WASHC5: variants seen among roughly 807,000 people sequenced by gnomAD.
The protein encoded by WASHC5 is WASH complex subunit 5.
In WASHC5, 101 loss-of-function variants were observed where a neutral mutation model predicts 150.4. That is an observed-to-expected ratio of 0.67 (90% CI 0.57 to 0.79). The LOEUF (loss-of-function observed/expected upper bound fraction) is 0.79. Among genes scored for constraint, WASHC5 ranks in the 30% least tolerant of loss-of-function variants. The pLI, the probability that WASHC5 is intolerant of heterozygous loss-of-function variation, is 0.00. For synonymous variants in WASHC5, 467 were observed against 491.2 expected, an observed-to-expected ratio of 0.95 and a Z score of 0.65; for missense variants, 1,195 against 1,396.3, an observed-to-expected ratio of 0.86 and a Z score of 2.30.
At chr8:125,055,693 A>T (rs1189671170) in intron 16 of WASHC5, 22 bp from the exon 17 acceptor site, 6 of 1,414,918 alleles carry the variant, frequency 4.2e-6, no homozygotes, top group Non-Finnish European at 6.0e-6. Flanking sequence ...AAAAAGAGGT[A>T]TGAAAAATCA....
intron 1 of WASHC5, among the ~76,000 whole-genome samples, chr8:125,089,218 G>A (rs537743805): frequency 3.9e-5 from 6 of 152,218 alleles, no homozygotes; most frequent in Middle Eastern, 3.4e-3. Context: ...ATGGACAGTG[G>A]GCAAAACAGT....
At position 125,078,807 on chromosome 8, in the gene WASHC5, T is replaced by C. The variant is rs1194870266; in HGVS notation, c.642A>G (p.Arg214=). 3 of 1,613,898 alleles carry C rather than the reference T, an allele frequency of 1.9e-6. No individual in the cohort carries two copies. The highest frequency in any genetic ancestry group is 2.5e-6 in the Non-Finnish European group (3 of 1,179,932). Reference sequence around the variant, plus strand: ...TGATGAAGGATTCGTTGATAGGCACTCTCTGGAAATAGCTCTCGGGATAGT... The same window carrying C: ...TGATGAAGGATTCGTTGATAGGCACCCTCTGGAAATAGCTCTCGGGATAGT... ...PSNYPESYFQ[R]VPINESFISM... The change falls in exon 6 of 29, where the codon AGA becomes AGG. Residue 214 remains arginine (R), a synonymous_variant. Transcript: ENST00000318410.
intron 28 of WASHC5, among the ~76,000 whole-genome samples, chr8:125,026,460 A>G (rs906373807): frequency 6.6e-6 from 1 of 151,900 alleles, no homozygotes; most frequent in African/African-American, 2.4e-5. Context: ...CTTTTTCTTT[A>G]TAGTTTCTTC....
chr8:125,058,709 C>T (rs905441133), intron 14 of WASHC5, among the ~76,000 whole-genome samples: 1 of 150,224 alleles, frequency 6.7e-6, no homozygotes. Context: ...GGAAACAAAG[C>T]GAGATTCCAT....
At chr8:125,037,721 A>G (rs934446372) in intron 25 of WASHC5, among the ~76,000 whole-genome samples, 4 of 152,004 alleles carry the variant, frequency 2.6e-5, no homozygotes, top group Admixed American at 6.6e-5. Flanking sequence ...AGAGAGAGAG[A>G]GGGAAAGAGG....
intron 26 of WASHC5, among the ~76,000 whole-genome samples, chr8:125,032,988 G>A (rs751986699): frequency 7.9e-5 from 12 of 151,734 alleles, no homozygotes; most frequent in African/African-American, 1.5e-4. Context: ...GTGGCTATTC[G>A]CAGGTGCAAT....
chr8:125,089,683 C>G (rs1048498837), intron 1 of WASHC5, among the ~76,000 whole-genome samples: 1 of 152,242 alleles, frequency 6.6e-6, no homozygotes, highest in African/African-American at 2.4e-5. Flanking sequence ...GAAGGACAGA[C>G]AGACTCAGCA....
At chr8:125,063,733 C>A in intron 10 of WASHC5, 82 bp from the exon 11 acceptor site, 1 of 1,283,292 alleles carries the variant, frequency 7.8e-7, no homozygotes. Context: ...TGAGGAAACC[C>A]AATTTAAATT....
At chr8:125,056,548 T>C in intron 16 of WASHC5, 129 bp downstream of exon 16, 1 of 1,066,366 alleles carries the variant, frequency 9.4e-7, no homozygotes, top group Non-Finnish European at 1.5e-6. Flanking sequence ...CGTTTACCAT[T>C]GCAAATGTGA....
In WASHC5 at chr8:125,024,645, A is replaced by G. The variant is rs1815321770; in HGVS notation, c.3452T>C (p.Ile1151Thr). 1.9e-6 allele frequency: 3 copies of G among 1,611,632 alleles called. No individual in the cohort carries two copies. Among genetic ancestry groups the G allele is most frequent in the Non-Finnish European group, 1.7e-6 (2 of 1,177,876 alleles). The change falls in exon 29 of 29, where the codon ATT (isoleucine) becomes ACT (threonine). Residue 1151 changes from isoleucine (I) to threonine (T), a missense_variant. By Grantham distance (89) the Ile-to-Thr change is moderately conservative. Around this residue, in one of 3 missense-constraint regions of WASHC5, gnomAD observed 997 missense variants for 1,168.1 expected, o/e 0.85. Transcript: ENST00000318410. ...CAGCACTGTTCTGAACTCATCAAAA[A>G]TGAAATTAGGCACATGTGCTTCAGC... is the stretch of plus-strand genomic sequence containing the variant. The part of the protein sequence containing the change: ...RVAEAHVPNF[I>T]FDEFRTVL
rs886062654 is a variant in WASHC5, at chr8:125,063,590, G to A, written c.1340C>T (p.Ser447Leu). ...ATCAGCAAGCTCAGTCATCCGCTCC[G>A]AACCCTCTTTCTTGTAATGCTCCCA... ...TKWEHYKKEGSERMTELADVF... is the reference protein window; with the variant it reads ...TKWEHYKKEGLERMTELADVF... Residue 447 changes from serine (S) to leucine (L), a missense_variant, in exon 11 of 29, where the codon TCG becomes TTG. Ser to Leu is a moderately radical substitution (Grantham distance 145). Coordinates refer to ENST00000318410, the MANE Select transcript of WASHC5 (RefSeq NM_014846.4). The A allele has an allele frequency of 1.4e-5, 23 of 1,613,650 alleles. No individual in the cohort carries two copies. Among genetic ancestry groups the A allele is most frequent in the Non-Finnish European group, 1.9e-5 (22 of 1,179,792 alleles).
intron 23 of WASHC5, among the ~76,000 whole-genome samples, chr8:125,041,687 T>C (rs1446402691): frequency 6.6e-6 from 1 of 152,104 alleles, no homozygotes; most frequent in African/African-American, 2.4e-5. Context: ...GAGCAAAAGT[T>C]ACTTAGCTAA....
chr8:125,062,246 TCA>T (rs1816617700), intron 11 of WASHC5, among the ~76,000 whole-genome samples: 1 of 152,186 alleles, frequency 6.6e-6, no homozygotes, highest in South Asian at 2.1e-4. Context: ...TTTTTAAGCC[TCA>T]GTTTCCTTAT....
intron 5 of WASHC5, 61 bp downstream of exon 5, chr8:125,081,600 G>A: frequency 2.2e-6 from 2 of 893,666 alleles, no homozygotes; most frequent in Non-Finnish European, 1.9e-6. Flanking sequence ...GGAATATGGG[G>A]ACATACACTG....
intron 26 of WASHC5, among the ~76,000 whole-genome samples, chr8:125,036,818 T>TG (rs574559914): frequency 6.4e-4 from 98 of 152,250 alleles, no homozygotes; most frequent in African/African-American, 2.2e-3. Context: ...GAGACCAGCC[T>TG]GGTTAACATG....
chr8:125,054,878 G>A (rs1256205606), intron 17 of WASHC5, among the ~76,000 whole-genome samples: 13 of 148,944 alleles, frequency 8.7e-5, no homozygotes, highest in Non-Finnish European at 5.9e-5. Context: ...TGAAATAAAA[G>A]TACTAAAAAT....
At chr8:125,055,868 T>C (rs1308695484) in intron 16 of WASHC5, among the ~76,000 whole-genome samples, 197 bp from the exon 17 acceptor site, 2 of 152,210 alleles carry the variant, frequency 1.3e-5, no homozygotes, top group Non-Finnish European at 2.9e-5. Context: ...GTTTATTCTT[T>C]CATGTTTGAC....
Position 125,059,231 on chromosome 8 carries a change from G to A in WASHC5, c.1755C>T (p.Thr585=). The A allele has an allele frequency of 6.2e-7, 1 of 1,612,846 alleles. No homozygotes were observed. Among genetic ancestry groups the A allele is most frequent in the Non-Finnish European group, 8.5e-7 (1 of 1,178,860 alleles). ...NPSMVTKLRA[T]FLKLASALDL... ...ACTGTTTTTTGCTTACCTTTAGGAA[G>A]GTAGCTCTGAGTTTAGTAACCATGG... Residue 585 remains threonine, a synonymous_variant, in exon 14 of 29, where the codon ACC becomes ACT. Coordinates refer to ENST00000318410, the MANE Select transcript of WASHC5 (RefSeq NM_014846.4).
At chr8:125,045,718 C>T (rs1231300975) in intron 20 of WASHC5, among the ~76,000 whole-genome samples, 1 of 152,156 alleles carries the variant, frequency 6.6e-6, no homozygotes, top group Non-Finnish European at 1.5e-5. Flanking sequence ...CAAGAGGATT[C>T]CCAAACTGCT....
Sources: gnomAD v4.1 joint callset for allele counts (sites outside exome capture counted in the v4.1 genomes callset) on GRCh38, gnomAD v4.1.1 for gene constraint, gnomAD v4.1.1 regional missense constraint, MANE v1.5 for transcripts, NCBI Gene and HGNC (gene_info 2026-07-23, HGNC 2026-07-21) for gene names.